Variants in ERC2 observed in about 807,000 individuals in gnomAD.
ERC2 encodes the protein ERC protein 2.
ERC2 carries 42 observed loss-of-function variants against 114.8 expected under a neutral mutation model. The ratio of observed to expected loss-of-function variants is 0.37; its 90% CI spans 0.29 to 0.47. ERC2 has a LOEUF of 0.47. ERC2 is among the 20% of genes least tolerant of loss of function. The probability of loss-of-function intolerance (pLI) is 0.99; values close to 1 mark genes in which losing one functional copy is unlikely to be tolerated. For synonymous variants in ERC2, 454 were observed against 425.5 expected (o/e 1.07, Z -0.82); for missense variants, 939 against 1,150.7 (o/e 0.82, Z 2.66).
chr3:55,627,780 C>G (rs2059579449), intron 17 of ERC2, among the ~76,000 whole-genome samples: 1 of 151,744 alleles, frequency 6.6e-6, no homozygotes, highest in African/African-American at 2.4e-5. Flanking sequence ...AATCATCAAT[C>G]AAGGGACTTT....
At chr3:56,140,728 C>A (rs1475600940) in intron 5 of ERC2, among the ~76,000 whole-genome samples, 1 of 152,124 alleles carries the variant, frequency 6.6e-6, no homozygotes, top group Non-Finnish European at 1.5e-5. Flanking sequence ...TATTCATCTT[C>A]AATTTCACTA....
At chr3:55,545,310 G>A (rs1386006642) in intron 17 of ERC2, among the ~76,000 whole-genome samples, 2 of 152,150 alleles carry the variant, frequency 1.3e-5, no homozygotes, top group African/African-American at 2.4e-5. Context: ...CTTCTAAGAC[G>A]CAAATCCAAT....
rs370695097 is a variant in ERC2, at chr3:56,436,608, T to C, written c.-140-1461A>G. On this transcript the variant is annotated intron_variant, in intron 1 of 17. Coordinates refer to ENST00000288221, the MANE Select transcript of ERC2 (RefSeq NM_015576.3). Reference sequence around the variant, plus strand: ...ACTCCCTTCACTCCACCATCCTGGATGGTGCAAGGGGTGAGAACATGACCC... The same window carrying C: ...ACTCCCTTCACTCCACCATCCTGGACGGTGCAAGGGGTGAGAACATGACCC... Among the ~76,000 whole-genome samples the C allele has an allele frequency of 7.2e-4, 110 of 152,202 alleles. 3 individuals are homozygous for C. In the South Asian group the frequency reaches 0.022, roughly 30 times the overall value.
intron 6 of ERC2, among the ~76,000 whole-genome samples, chr3:56,093,372 T>A (rs1218137807): frequency 6.6e-6 from 1 of 152,126 alleles, no homozygotes; most frequent in Non-Finnish European, 1.5e-5. Context: ...TGGAGTGAAA[T>A]GGAAAAAAGC....
chr3:56,168,416 G>T (rs1304703220), intron 4 of ERC2, among the ~76,000 whole-genome samples: 7 of 152,270 alleles, frequency 4.6e-5, no homozygotes, highest in Admixed American at 3.3e-4. Context: ...TAGAAAAACT[G>T]GGATTGGCAC....
At chr3:56,139,338 A>C (rs2080711207) in intron 6 of ERC2, among the ~76,000 whole-genome samples, 171 bp downstream of exon 6, 1 of 152,216 alleles carries the variant, frequency 6.6e-6, no homozygotes, top group Non-Finnish European at 1.5e-5. Context: ...GCAGTGTTAC[A>C]CAATCTATAC....
intron 10 of ERC2, 41 bp from the exon 11 acceptor site, chr3:55,992,291 A>G (rs2071135773): frequency 3.9e-6 from 6 of 1,547,026 alleles, no homozygotes; most frequent in East Asian, 2.2e-5. Context: ...TAAGACAACA[A>G]TTTAGAACAA....
In ERC2 at chr3:55,717,447, C is replaced by T. The variant is rs544353709; in HGVS notation, c.2712+17324G>A. ...CAGAAAAGGCTTCTTTAACCTTCTC[C>T]TTCAAGTTTTCTCCTTTCTCCCTCA... On this transcript the variant is annotated intron_variant, in intron 15 of 17. Coordinates refer to ENST00000288221, the MANE Select transcript of ERC2 (RefSeq NM_015576.3). Among the ~76,000 whole-genome samples, 15 of 152,264 alleles carry T rather than the reference C, an allele frequency of 9.9e-5. No individual in the cohort carries two copies. The South Asian group carries it at 2.1e-3, about 21-fold the overall frequency.
intron 15 of ERC2, among the ~76,000 whole-genome samples, chr3:55,732,211 C>T (rs1202031305): frequency 6.6e-6 from 1 of 152,128 alleles, no homozygotes; most frequent in Non-Finnish European, 1.5e-5. Context: ...ATACAAGACC[C>T]AGCATGGAGT....
intron 17 of ERC2, among the ~76,000 whole-genome samples, chr3:55,674,768 T>A (rs2061709613): frequency 6.6e-6 from 1 of 152,200 alleles, no homozygotes; most frequent in Admixed American, 6.5e-5. Flanking sequence ...TCTACCTCTC[T>A]GCATATACAC....
intron 15 of ERC2, among the ~76,000 whole-genome samples, chr3:55,712,859 C>T (rs141035860): frequency 4.4e-4 from 67 of 152,238 alleles, no homozygotes; most frequent in Non-Finnish European, 6.6e-4. Context: ...TCTCCTAGTC[C>T]TCTCTCTGTA....
At chr3:56,123,872 G>A (rs949249885) in intron 6 of ERC2, among the ~76,000 whole-genome samples, 2 of 152,138 alleles carry the variant, frequency 1.3e-5, no homozygotes, top group Non-Finnish European at 2.9e-5. Context: ...TTACTCTCTA[G>A]TGTTATTTTT....
chr3:56,394,757 A>C (rs2106879280), intron 2 of ERC2, among the ~76,000 whole-genome samples: 1 of 152,294 alleles, frequency 6.6e-6, no homozygotes, highest in Non-Finnish European at 1.5e-5. Context: ...ACCCTTTTAC[A>C]CTGCTGGTGG....
At chr3:55,551,188 A>G (rs1167179031) in intron 17 of ERC2, among the ~76,000 whole-genome samples, 1 of 152,078 alleles carries the variant, frequency 6.6e-6, no homozygotes, top group Non-Finnish European at 1.5e-5. Flanking sequence ...ACACATACAT[A>G]CACACACATA....
chr3:55,720,707 A>G (rs114095232), intron 15 of ERC2, among the ~76,000 whole-genome samples: 4,296 of 152,236 alleles, frequency 0.028, 211 homozygotes, highest in African/African-American at 0.098. Context: ...ACTGCCACTC[A>G]AGTTCTTTCT....
rs557198399 is a variant in ERC2, at chr3:56,000,493, A to C, written c.2061+6688T>G. ...TCAAAAGCAAGTGCTTAACTGATTT[A>C]AACTACTTACGTAAGAAAAAATACA... is the stretch of plus-strand genomic sequence containing the variant. On this transcript the variant is annotated intron_variant, in intron 10 of 17. Coordinates refer to ENST00000288221, the MANE Select transcript of ERC2 (RefSeq NM_015576.3). Among the ~76,000 whole-genome samples the C allele has an allele frequency of 3.9e-5, 6 of 152,298 alleles. No homozygotes were observed. The South Asian group carries it at 1.2e-3, about 32-fold the overall frequency.
intron 6 of ERC2, among the ~76,000 whole-genome samples, chr3:56,128,531 T>C (rs971800989): frequency 1.3e-5 from 2 of 152,100 alleles, no homozygotes; most frequent in East Asian, 3.9e-4. Context: ...GCAAATGTGG[T>C]TTAAGTTTTT....
intron 10 of ERC2, among the ~76,000 whole-genome samples, chr3:55,995,144 C>G (rs181900222): frequency 6.6e-6 from 1 of 152,136 alleles, no homozygotes; most frequent in South Asian, 2.1e-4. Context: ...ACCATCCTGG[C>G]CAATATGGTA....
chr3:56,332,662 A>C (rs2057678760), intron 2 of ERC2, among the ~76,000 whole-genome samples: 1 of 152,238 alleles, frequency 6.6e-6, no homozygotes, highest in African/African-American at 2.4e-5. Flanking sequence ...GCCACACAGT[A>C]AGTGCTCAAT....
Sources: gnomAD v4.1 joint callset for allele counts (sites outside exome capture counted in the v4.1 genomes callset) on GRCh38, gnomAD v4.1.1 for gene constraint, MANE v1.5 for transcripts, NCBI Gene and HGNC (gene_info 2026-07-23, HGNC 2026-07-21) for gene names.